TRPM3: variants seen among roughly 807,000 people sequenced by gnomAD.
TRPM3 encodes the protein long transient receptor potential channel 3.
In TRPM3, 77 loss-of-function variants were observed where a neutral mutation model predicts 181.2. That is an observed-to-expected ratio of 0.42 (90% CI 0.35 to 0.51). The LOEUF (loss-of-function observed/expected upper bound fraction) is 0.51. Among genes scored for constraint, TRPM3 ranks in the 20% least tolerant of loss-of-function variants. The pLI is 0.01. For missense variants in TRPM3, 1,759 were observed against 2,196.7 expected, an observed-to-expected ratio of 0.80 and a Z score of 3.98; for synonymous variants, 745 against 796.4, an observed-to-expected ratio of 0.94 and a Z score of 1.09.
chr9:70,622,413 G>C (rs933110003), intron 14 of TRPM3, among the ~76,000 whole-genome samples: 4 of 152,258 alleles, frequency 2.6e-5, no homozygotes, highest in South Asian at 4.1e-4. Context: ...GGAGACCTGG[G>C]GTATTATTCA....
chr9:70,917,563 G>GTTTTTTTTTTTTTTTTTTTTTTTTTT lies in TRPM3; in HGVS notation c.178-53053_178-53052insAAAAAAAAAAAAAAAAAAAAAAAAAA, dbSNP rs1554769103. On this transcript the variant is annotated intron_variant, in intron 1 of 25. Coordinates refer to ENST00000677713, the MANE Select transcript of TRPM3 (RefSeq NM_001366145.2). ...TTCTTCTTTACGCAAACAGTGTTAA[G>GTTTTTTTTTTTTTTTTTTTTTTTTTT]TTGTTATATCAACTTAAAATAATGG... The GTTTTTTTTTTTTTTTTTTTTTTTTTT allele has an allele frequency of 1.9e-4, 109 of 585,952 alleles. 1 individual carries two copies. Among genetic ancestry groups the GTTTTTTTTTTTTTTTTTTTTTTTTTT allele is most frequent in the Non-Finnish European group, 2.6e-4 (83 of 313,698 alleles). The allele number at this position is 585,952 out of a possible 1,614,324, so 36.3% of individuals were successfully genotyped here. A position where few individuals can be genotyped will look rare whatever the true frequency, so the allele number is the denominator to read the frequency against.
intron 1 of TRPM3, among the ~76,000 whole-genome samples, chr9:70,989,876 T>C (rs2097459953): frequency 6.6e-6 from 1 of 152,206 alleles, no homozygotes; most frequent in African/African-American, 2.4e-5. Flanking sequence ...ACAGAAAGCA[T>C]GTGATCATTC....
intron 1 of TRPM3, among the ~76,000 whole-genome samples, chr9:71,383,374 A>G (rs2092848797): frequency 6.6e-6 from 1 of 152,064 alleles, no homozygotes; most frequent in South Asian, 2.1e-4. Flanking sequence ...ACCACTATGG[A>G]CTGCATCTAT....
At chr9:71,113,350 C>T (rs1290914929) in intron 1 of TRPM3, among the ~76,000 whole-genome samples, 1 of 152,128 alleles carries the variant, frequency 6.6e-6, no homozygotes, top group African/African-American at 2.4e-5. Context: ...AAGGCACAAA[C>T]CCAGGTTTTC....
chr9:70,651,514 C>G (rs2059592598), intron 9 of TRPM3, among the ~76,000 whole-genome samples: 1 of 152,164 alleles, frequency 6.6e-6, no homozygotes, highest in African/African-American at 2.4e-5. Flanking sequence ...GGAGGGACTA[C>G]TGCCACCAAC....
chr9:71,080,774 G>A (rs1406213366), intron 1 of TRPM3, among the ~76,000 whole-genome samples: 1 of 152,180 alleles, frequency 6.6e-6, no homozygotes, highest in Non-Finnish European at 1.5e-5. Context: ...ACAGGTTGAG[G>A]GAGATACTAC....
At chr9:71,203,034 A>G (rs921030370) in intron 1 of TRPM3, among the ~76,000 whole-genome samples, 7 of 152,330 alleles carry the variant, frequency 4.6e-5, no homozygotes, top group Admixed American at 2.6e-4. Context: ...AACAATGTCA[A>G]TTACTCAAAG....
chr9:70,998,156 C>CATATATACACATAT (rs1554794733), intron 1 of TRPM3, among the ~76,000 whole-genome samples: 1 of 27,200 alleles, frequency 3.7e-5, no homozygotes, highest in Non-Finnish European at 7.6e-5. Flanking sequence ...TATATATATA[C>CATATATACACATAT]ATATATACAT....
intron 1 of TRPM3, among the ~76,000 whole-genome samples, chr9:71,068,581 C>T (rs891375908): frequency 6.6e-6 from 1 of 152,148 alleles, no homozygotes; most frequent in African/African-American, 2.4e-5. Context: ...GGAATTACTG[C>T]CCCCAGATCA....
At chr9:70,566,984 A>AG (rs2050771230) in intron 22 of TRPM3, among the ~76,000 whole-genome samples, 1 of 152,166 alleles carries the variant, frequency 6.6e-6, no homozygotes, top group Admixed American at 6.5e-5. Context: ...TCACAGTATG[A>AG]GGTTTGGGAG....
chr9:70,757,489 C>A (rs2077284500), intron 8 of TRPM3, among the ~76,000 whole-genome samples: 1 of 152,132 alleles, frequency 6.6e-6, no homozygotes, highest in Non-Finnish European at 1.5e-5. Context: ...TTTTATGAAG[C>A]CAGCATCATC....
intron 9 of TRPM3, among the ~76,000 whole-genome samples, chr9:70,651,014 A>G (rs542382904): frequency 6.6e-6 from 1 of 152,312 alleles, no homozygotes; most frequent in East Asian, 1.9e-4. Flanking sequence ...TTTTTATCGC[A>G]AAGTTTTTAT....
chr9:71,062,499 T>C (rs371327535), intron 1 of TRPM3, among the ~76,000 whole-genome samples: 2 of 152,110 alleles, frequency 1.3e-5, no homozygotes, highest in African/African-American at 2.4e-5. Flanking sequence ...TCAAAACATA[T>C]GCCAACTTCA....
chr9:71,280,723 C>T (rs896336988), intron 1 of TRPM3, among the ~76,000 whole-genome samples: 1 of 152,152 alleles, frequency 6.6e-6, no homozygotes, highest in Non-Finnish European at 1.5e-5. Flanking sequence ...CTCCCCTTAG[C>T]TAAGGGTCTT....
intron 1 of TRPM3, among the ~76,000 whole-genome samples, chr9:71,170,998 A>T (rs571910429): frequency 4.6e-5 from 7 of 150,674 alleles, no homozygotes; most frequent in Admixed American, 6.7e-5. Flanking sequence ...TGAGAAAGAG[A>T]ATATGCGCCT....
intron 1 of TRPM3, among the ~76,000 whole-genome samples, chr9:71,240,405 T>C (rs1338648105): frequency 6.6e-6 from 1 of 152,150 alleles, no homozygotes; most frequent in Non-Finnish European, 1.5e-5. Flanking sequence ...TTTACTAGAG[T>C]AAGCAATAAA....
At chr9:70,930,720 CA>C (rs1398975332) in intron 1 of TRPM3, among the ~76,000 whole-genome samples, 1 of 151,998 alleles carries the variant, frequency 6.6e-6, no homozygotes, top group Non-Finnish European at 1.5e-5. Context: ...AATTATGATC[CA>C]AATTCAATTA....
chr9:71,030,565 C>T (rs1296792803), intron 1 of TRPM3, among the ~76,000 whole-genome samples: 2 of 150,390 alleles, frequency 1.3e-5, no homozygotes, highest in African/African-American at 4.9e-5. Flanking sequence ...AAGTGAGACC[C>T]CGTTCCAAAA....
At chr9:71,059,904 CAAG>C (rs1232515080) in intron 1 of TRPM3, among the ~76,000 whole-genome samples, 4 of 151,964 alleles carry the variant, frequency 2.6e-5, no homozygotes, top group Non-Finnish European at 5.9e-5. Flanking sequence ...CTGGAGCAGC[CAAG>C]ACTACAAGGG....
Sources: gnomAD v4.1 joint callset for allele counts (sites outside exome capture counted in the v4.1 genomes callset) on GRCh38, gnomAD v4.1.1 for gene constraint, MANE v1.5 for transcripts, NCBI Gene and HGNC (gene_info 2026-07-23, HGNC 2026-07-21) for gene names.